KL: variants seen among roughly 807,000 people sequenced by gnomAD.
The protein encoded by KL is klotho, also known as alpha-klotho.
In KL, 62 loss-of-function variants were observed where a neutral mutation model predicts 84.2. The observed-to-expected ratio is 0.74, with a 90% confidence interval of 0.60 to 0.91. The LOEUF (loss-of-function observed/expected upper bound fraction) is 0.91, where lower values mean the gene tolerates loss of function less well. Among genes scored for constraint, KL ranks in the 40% least tolerant of loss-of-function variants. The pLI is 0.00. For missense variants in KL, 1,261 were observed against 1,305.7 expected, an observed-to-expected ratio of 0.97 and a Z score of 0.53; for synonymous variants, 528 against 528.0, an observed-to-expected ratio of 1.00 and a Z score of 0.00.
At chr13:33,034,091 C>A (rs1002080207) in intron 1 of KL, among the ~76,000 whole-genome samples, 2 of 152,106 alleles carry the variant, frequency 1.3e-5, no homozygotes, top group Non-Finnish European at 2.9e-5. Context: ...TTAATTAACA[C>A]CCCTTGTCAA....
intron 1 of KL, among the ~76,000 whole-genome samples, chr13:33,018,306 T>G (rs1216190364): frequency 3.9e-5 from 6 of 152,232 alleles, no homozygotes; most frequent in South Asian, 2.1e-4. Context: ...ATTTTTAAAT[T>G]TAGAATTCAG....
chr13:33,044,640 CTTTTTT>C (rs71071071), intron 1 of KL, among the ~76,000 whole-genome samples: 692 of 52,544 alleles, frequency 0.013, 1 homozygote, highest in Middle Eastern at 0.023. Context: ...AATTGATTTT[CTTTTTT>C]TTTTTTTTTT....
chr13:33,017,541 G>A (rs1870416162), intron 1 of KL, among the ~76,000 whole-genome samples: 1 of 152,200 alleles, frequency 6.6e-6, no homozygotes, highest in Non-Finnish European at 1.5e-5. Flanking sequence ...CCTTTCTCTG[G>A]GTGTAGAGGA....
chr13:33,027,786 C>T (rs867883762), intron 1 of KL, among the ~76,000 whole-genome samples: 24 of 152,212 alleles, frequency 1.6e-4, no homozygotes, highest in African/African-American at 5.8e-4. Flanking sequence ...ATGGCATTCT[C>T]TTTGCTTTCC....
In KL at chr13:33,054,107, G is replaced by T. The variant is rs200112661; in HGVS notation, c.1160G>T (p.Arg387Leu). Reference protein sequence around the residue: ...FQLLDPHMKFRQLESPNLRQL... With the variant: ...FQLLDPHMKFLQLESPNLRQL... ...CTTTTGGACCCTCACATGAAGTTCC[G>T]CCAATTGGAATCTCCCAACCTGAGG... The change falls in exon 2 of 5, where the codon CGC becomes CTC. Residue 387 changes from arginine (R) to leucine (L), a missense_variant. Coordinates refer to ENST00000380099, the MANE Select transcript of KL (RefSeq NM_004795.4). The T allele has an allele frequency of 3.7e-6, 6 of 1,613,484 alleles. No individual in the cohort carries two copies. Among genetic ancestry groups the T allele is most frequent in the Non-Finnish European group, 5.1e-6 (6 of 1,179,952 alleles).
At chr13:33,040,651 T>C (rs1019976259) in intron 1 of KL, among the ~76,000 whole-genome samples, 3 of 152,206 alleles carry the variant, frequency 2.0e-5, no homozygotes, top group Non-Finnish European at 2.9e-5. Context: ...TCCATTTCAA[T>C]TTTTAAAAAA....
chr13:33,030,770 G>A (rs112998831), intron 1 of KL, among the ~76,000 whole-genome samples: 1 of 152,048 alleles, frequency 6.6e-6, no homozygotes, highest in South Asian at 2.1e-4. Flanking sequence ...AATTATGCAG[G>A]AAATTAAACA....
At position 33,061,248 on chromosome 13, in the gene KL, T is replaced by C. The variant is rs780376386; in HGVS notation, c.2169T>C (p.Asn723=). 1 of 1,614,202 alleles carries C rather than the reference T, an allele frequency of 6.2e-7. No individual in the cohort carries two copies. Among genetic ancestry groups the C allele is most frequent in the Non-Finnish European group, 8.5e-7 (1 of 1,180,024 alleles). ...ATGAAAAGTTTAGGCATGCTCAGAA[T>C]GGGAAAATATCCATAGCCTTGCAGG... is the stretch of plus-strand genomic sequence containing the variant. The part of the protein sequence containing the change: ...VYNEKFRHAQ[N]GKISIALQAD... Residue 723 remains asparagine, a synonymous_variant, in exon 4 of 5, where the codon AAT becomes AAC. Coordinates refer to ENST00000380099, the MANE Select transcript of KL (RefSeq NM_004795.4).
At chr13:33,055,399 T>C (rs761695593) in intron 3 of KL, 84 bp downstream of exon 3, 17 of 1,570,354 alleles carry the variant, frequency 1.1e-5, no homozygotes, top group Admixed American at 1.7e-5. Context: ...CTGATTGTCA[T>C]GGCACATTGT....
At chr13:33,047,540 G>A (rs973240984) in intron 1 of KL, among the ~76,000 whole-genome samples, 82 of 152,054 alleles carry the variant, frequency 5.4e-4, no homozygotes, top group Non-Finnish European at 8.4e-4. Context: ...ATGTTGGTCA[G>A]GCTGGTCTTG....
intron 1 of KL, among the ~76,000 whole-genome samples, chr13:33,023,425 T>A (rs1279330668): frequency 6.6e-6 from 1 of 152,200 alleles, no homozygotes; most frequent in Admixed American, 6.5e-5. Flanking sequence ...TTAGAAGGAA[T>A]CATACAAATG....
intron 1 of KL, among the ~76,000 whole-genome samples, chr13:33,033,468 C>T (rs1015590563): frequency 7.9e-5 from 12 of 152,192 alleles, no homozygotes; most frequent in African/African-American, 2.9e-4. Context: ...CTGACTCCTG[C>T]CCCGCTGCCC....
intron 1 of KL, among the ~76,000 whole-genome samples, chr13:33,029,011 G>C (rs549474725): frequency 6.6e-6 from 1 of 152,190 alleles, no homozygotes; most frequent in South Asian, 2.1e-4. Context: ...GAGAACTGGG[G>C]GAATTGTAGG....
rs888882928 is a variant in KL at position 33,065,173 on chromosome 13, T to C, written c.*987T>C. 4.5e-6 allele frequency: 1 copy of C among 221,722 alleles called. No homozygotes were observed. Among genetic ancestry groups the C allele is most frequent in the African/African-American group, 2.2e-5 (1 of 44,672 alleles). 13.7% of individuals were successfully genotyped at this position (221,722 alleles called of 1,614,324 possible). On this transcript the variant is annotated 3_prime_UTR_variant, in exon 5 of 5. Transcript: ENST00000380099. ...AACAGTGACACTACTTTCTATTCTTTAGCTGTACTGTAATTTCTTTGAGTT... is the reference window on the plus strand; with the variant it reads ...AACAGTGACACTACTTTCTATTCTTCAGCTGTACTGTAATTTCTTTGAGTT...
At chr13:33,020,114 G>A (rs1870520861) in intron 1 of KL, among the ~76,000 whole-genome samples, 1 of 152,138 alleles carries the variant, frequency 6.6e-6, no homozygotes, top group Non-Finnish European at 1.5e-5. Flanking sequence ...GCAAACATTT[G>A]TGCAAGGAAC....
chr13:33,050,874 A>G (rs1411426059), intron 1 of KL, among the ~76,000 whole-genome samples: 3 of 152,222 alleles, frequency 2.0e-5, no homozygotes, highest in Non-Finnish European at 2.9e-5. Flanking sequence ...CAGTGTCCCT[A>G]CGGGACAATA....
chr13:33,018,167 A>G (rs1262850590), intron 1 of KL, among the ~76,000 whole-genome samples: 2 of 152,232 alleles, frequency 1.3e-5, no homozygotes, highest in African/African-American at 2.4e-5. Context: ...AGTTGTTAGT[A>G]CACTTTGTAC....
intron 1 of KL, among the ~76,000 whole-genome samples, chr13:33,052,162 G>A (rs1021085187): frequency 6.6e-6 from 1 of 152,142 alleles, no homozygotes; most frequent in Admixed American, 6.5e-5. Context: ...CTCACTCTTT[G>A]CGCAGGCTAG....
At chr13:33,053,255 C>A (rs1388373692) in intron 1 of KL, among the ~76,000 whole-genome samples, 1 of 152,090 alleles carries the variant, frequency 6.6e-6, no homozygotes, top group Non-Finnish European at 1.5e-5. Flanking sequence ...AAGAAGATTG[C>A]TTGTTAGAAT....
Sources: gnomAD v4.1 joint callset for allele counts (sites outside exome capture counted in the v4.1 genomes callset) on GRCh38, gnomAD v4.1.1 for gene constraint, MANE v1.5 for transcripts, NCBI Gene and HGNC (gene_info 2026-07-23, HGNC 2026-07-21) for gene names.